The following CCDC171 variants were observed in gnomAD, a reference collection of about 807,000 sequenced individuals.
The protein encoded by CCDC171 is coiled-coil domain containing 171, also known as coiled-coil domain-containing protein 171.
In CCDC171, 177 loss-of-function variants were observed where a neutral mutation model predicts 168.2. The observed-to-expected ratio is 1.05, with a 90% CI of 0.93 to 1.19. The LOEUF (loss-of-function observed/expected upper bound fraction) is 1.19, where lower values mean the gene tolerates loss of function less well. Among genes scored for constraint, CCDC171 ranks in the 50% most tolerant of loss-of-function variants. The pLI is 0.00. For missense variants in CCDC171, 1,991 were observed against 1,539.0 expected (o/e 1.29, Z -4.91); for synonymous variants, 687 against 540.8 (o/e 1.27, Z -3.75).
At chr9:15,827,366 G>A (rs1444217288) in intron 21 of CCDC171, among the ~76,000 whole-genome samples, 2 of 152,016 alleles carry the variant, frequency 1.3e-5, no homozygotes, top group African/African-American at 4.8e-5. Flanking sequence ...TTGTATTGTA[G>A]TGGTTTTACA....
intron 9 of CCDC171, among the ~76,000 whole-genome samples, chr9:15,672,503 T>C (rs1299564850): frequency 3.3e-5 from 5 of 152,230 alleles, no homozygotes; most frequent in Admixed American, 6.5e-5. Context: ...TTTAAGTCTT[T>C]AATCCATCTT....
intron 6 of CCDC171, among the ~76,000 whole-genome samples, chr9:15,612,327 C>G (rs997172340): frequency 6.6e-6 from 1 of 152,128 alleles, no homozygotes; most frequent in Non-Finnish European, 1.5e-5. Context: ...TGTCAGTTTG[C>G]TTTCTGTCTT....
At chr9:15,645,182 C>G (rs1165523279) in intron 7 of CCDC171, among the ~76,000 whole-genome samples, 1 of 152,194 alleles carries the variant, frequency 6.6e-6, no homozygotes, top group Non-Finnish European at 1.5e-5. Context: ...GCTGAGGGTC[C>G]TGTTAGAAGG....
intron 1 of CCDC171, among the ~76,000 whole-genome samples, chr9:16,057,855 T>C (rs549159793): frequency 6.6e-6 from 1 of 152,254 alleles, no homozygotes; most frequent in South Asian, 2.1e-4. Flanking sequence ...GGCTGCAGGT[T>C]AGCAGGGGCT....
At chr9:16,097,712 T>C in the CCDC171 span, among the ~76,000 whole-genome samples, 1 of 152,246 alleles carries the variant, frequency 6.6e-6, no homozygotes, top group African/African-American at 2.4e-5. Context: ...CAAGCCTTGC[T>C]AAGACTGCCC....
intron 24 of CCDC171, among the ~76,000 whole-genome samples, chr9:15,902,711 G>A (rs1821883226): frequency 6.6e-6 from 1 of 152,212 alleles, no homozygotes; most frequent in African/African-American, 2.4e-5. Context: ...AGCGCACCGA[G>A]CATGAGCTGA....
chr9:15,804,467 T>G (rs963110715), intron 21 of CCDC171, among the ~76,000 whole-genome samples: 4 of 151,426 alleles, frequency 2.6e-5, no homozygotes, highest in Admixed American at 2.0e-4. Context: ...AAGGCCTTTT[T>G]TTTTTGCATC....
At chr9:15,931,050 A>G (rs1179619831) in intron 25 of CCDC171, among the ~76,000 whole-genome samples, 1 of 151,718 alleles carries the variant, frequency 6.6e-6, no homozygotes, top group African/African-American at 2.4e-5. Context: ...TAAACATTGG[A>G]GTGCAGCTAT....
intron 25 of CCDC171, among the ~76,000 whole-genome samples, chr9:15,938,844 A>G (rs1564029366): frequency 6.6e-6 from 1 of 151,858 alleles, no homozygotes; most frequent in Non-Finnish European, 1.5e-5. Flanking sequence ...AGTCTCTACC[A>G]CTTTATTTTT....
intron 1 of CCDC171, among the ~76,000 whole-genome samples, chr9:16,059,211 G>T (rs1366294633): frequency 6.6e-6 from 1 of 152,144 alleles, no homozygotes; most frequent in East Asian, 1.9e-4. Flanking sequence ...AAGCACATTT[G>T]TATTTGCTCA....
chr9:15,643,266 G>A (rs1176142754), intron 7 of CCDC171, among the ~76,000 whole-genome samples: 1 of 152,042 alleles, frequency 6.6e-6, no homozygotes, highest in African/African-American at 2.4e-5. Context: ...ACTAGGTACT[G>A]AGAAAACTGA....
chr9:15,650,548 C>G (rs185871123), intron 7 of CCDC171, among the ~76,000 whole-genome samples: 1 of 152,250 alleles, frequency 6.6e-6, no homozygotes, highest in Admixed American at 6.5e-5. Context: ...AGACAAATGT[C>G]TAAGTCCTGT....
At chr9:15,861,373 T>C (rs1033720094) in intron 23 of CCDC171, among the ~76,000 whole-genome samples, 4 of 151,958 alleles carry the variant, frequency 2.6e-5, no homozygotes, top group Non-Finnish European at 5.9e-5. Flanking sequence ...GTTTGTCTTA[T>C]AGTTCATTTG....
In CCDC171 at chr9:15,653,314, A is replaced by AT. The variant is rs896134795; in HGVS notation, c.823-3805dup. ...ATCACCATGCCTGGCTAATTTTTGA[A>AT]TTTTTTTTGTAGAATTGGTGCTTCA... On this transcript the variant is annotated intron_variant, in intron 7 of 25. Coordinates refer to ENST00000380701, the MANE Select transcript of CCDC171 (RefSeq NM_173550.4). 1.6e-4 allele frequency among the ~76,000 whole-genome samples: 24 copies of AT among 151,060 alleles called. No individual in the cohort carries two copies. The South Asian group carries it at 2.1e-3, about 13-fold the overall frequency.
chr9:15,715,648 G>C (rs1220970272), intron 11 of CCDC171, among the ~76,000 whole-genome samples: 1 of 152,110 alleles, frequency 6.6e-6, no homozygotes, highest in African/African-American at 2.4e-5. Context: ...TCTTTTGTCT[G>C]TATTCTCCCT....
intron 24 of CCDC171, among the ~76,000 whole-genome samples, chr9:15,876,654 A>T (rs2131270644): frequency 6.6e-6 from 1 of 152,142 alleles, no homozygotes; most frequent in Non-Finnish European, 1.5e-5. Flanking sequence ...TTTGTAAAAA[A>T]TTATGCATCT....
chr9:16,066,229 C>G (rs1833989019), downstream of CCDC171, among the ~76,000 whole-genome samples: 1 of 152,164 alleles, frequency 6.6e-6, no homozygotes, highest in Non-Finnish European at 1.5e-5. Context: ...ATCTGCCTAA[C>G]AGTGTGAGCA....
chr9:15,623,480 C>CACACACACAG (rs1414364060), intron 7 of CCDC171, 67 bp downstream of exon 7: 14 of 574,134 alleles, frequency 2.4e-5, no homozygotes, highest in Non-Finnish European at 5.7e-6. Flanking sequence ...CGCGCGCACA[C>CACACACACAG]ACACACACAC....
chr9:15,845,475 C>G (rs1302067219), intron 21 of CCDC171, among the ~76,000 whole-genome samples: 2 of 152,000 alleles, frequency 1.3e-5, no homozygotes, highest in African/African-American at 4.8e-5. Context: ...TGATGGCTTG[C>G]AGTTCACCAG....
Sources: allele counts gnomAD v4.1 joint callset (sites outside exome capture counted in the v4.1 genomes callset), GRCh38; gene constraint gnomAD v4.1.1; transcripts MANE v1.5; gene names NCBI Gene and HGNC (gene_info 2026-07-23, HGNC 2026-07-21).